Variants in MALRD1 observed in about 807,000 individuals in gnomAD.
The protein encoded by MALRD1 is MAM and LDL receptor class A domain containing 1.
MALRD1 carries 247 observed loss-of-function variants against 242.1 expected under a neutral mutation model. The observed-to-expected ratio is 1.02, with a 90% CI of 0.92 to 1.13. The LOEUF (loss-of-function observed/expected upper bound fraction) is 1.13. MALRD1 is among the 50% of genes most tolerant of loss of function. The pLI is 0.00. For missense variants in MALRD1, 2,989 were observed against 2,533.1 expected (o/e 1.18, Z -3.86); for synonymous variants, 995 against 866.6 (o/e 1.15, Z -2.60).
intron 28 of MALRD1, among the ~76,000 whole-genome samples, chr10:19,440,431 G>A (rs889434948): frequency 6.6e-6 from 1 of 151,796 alleles, no homozygotes; most frequent in Non-Finnish European, 1.5e-5. Flanking sequence ...TGTCATGTTG[G>A]TGTGCTGCAC....
At chr10:19,732,415 A>G (rs1835334562) in intron 39 of MALRD1, among the ~76,000 whole-genome samples, 1 of 152,108 alleles carries the variant, frequency 6.6e-6, no homozygotes, top group African/African-American at 2.4e-5. Context: ...GGCGCCTGCC[A>G]CCATGCCCAG....
chr10:19,208,664 C>T (rs191234975), intron 17 of MALRD1, among the ~76,000 whole-genome samples: 12 of 152,268 alleles, frequency 7.9e-5, no homozygotes, highest in Admixed American at 5.9e-4. Flanking sequence ...CACCCTATAT[C>T]TAATAAGCTA....
chr10:19,643,938 C>T (rs892663039), intron 36 of MALRD1, among the ~76,000 whole-genome samples: 2 of 152,168 alleles, frequency 1.3e-5, no homozygotes, highest in African/African-American at 4.8e-5. Flanking sequence ...CAGCTCCCTT[C>T]CTTCTGCACC....
In MALRD1 at chr10:19,645,740, A is replaced by AG. The variant is rs570687759; in HGVS notation, c.6137+29823dup. On this transcript the variant is annotated intron_variant, in intron 36 of 39. Coordinates refer to ENST00000454679, the MANE Select transcript of MALRD1 (RefSeq NM_001142308.3). ...CCAGGGACTGTTGTGGGGTGGGAGG[A>AG]GGGGGGAGGGATAGCATTTGGAGAT... Among the ~76,000 whole-genome samples, 344 of 149,964 alleles carry AG rather than the reference A, an allele frequency of 2.3e-3. 1 individual carries two copies. Among genetic ancestry groups the AG allele is most frequent in the African/African-American group, 7.5e-3 (308 of 41,024 alleles).
intron 35 of MALRD1, among the ~76,000 whole-genome samples, chr10:19,611,648 T>C (rs541186062): frequency 3.3e-5 from 5 of 152,132 alleles, no homozygotes; most frequent in African/African-American, 1.2e-4. Context: ...GGGAATTATA[T>C]CTACTTATCT....
At chr10:19,645,402 C>T (rs956298530) in intron 36 of MALRD1, among the ~76,000 whole-genome samples, 4 of 152,206 alleles carry the variant, frequency 2.6e-5, no homozygotes, top group African/African-American at 7.2e-5. Context: ...GATTATAAAT[C>T]ATGCTGCTAT....
chr10:19,361,714 C>T (rs1241949835), intron 26 of MALRD1, among the ~76,000 whole-genome samples: 1 of 152,042 alleles, frequency 6.6e-6, no homozygotes, highest in Non-Finnish European at 1.5e-5. Context: ...GGAGCCATTT[C>T]TGGAAGACCT....
Position 19,209,288 on chromosome 10 carries a change from T to A in MALRD1, c.2599T>A (p.Phe867Ile). 1.3e-6 allele frequency: 2 copies of A among 1,541,608 alleles called. No homozygotes were observed. The highest frequency in any genetic ancestry group is 2.4e-5 in the South Asian group (2 of 82,350). Residue 867 changes from phenylalanine to isoleucine, a missense_variant, in exon 18 of 40, where the codon TTT becomes ATT. By Grantham distance (21) the Phe-to-Ile change is conservative. Transcript: ENST00000454679. The stretch of plus-strand genomic sequence containing the variant: ...TTCAGCACCTGAGCTGCAGTGTAAC[T>A]TTGAAACTGGAATCTGTAACTGGGA... ...VNCAPELQCNFETGICNWEQD... is the reference protein window; with the variant it reads ...VNCAPELQCNIETGICNWEQD...
At chr10:19,500,257 C>G (rs1346886542) in intron 31 of MALRD1, among the ~76,000 whole-genome samples, 2 of 152,126 alleles carry the variant, frequency 1.3e-5, no homozygotes, top group Non-Finnish European at 2.9e-5. Context: ...TTGTAGCTCC[C>G]TTTCACAAGC....
At chr10:19,701,862 C>T (rs1833647735) in intron 38 of MALRD1, among the ~76,000 whole-genome samples, 1 of 150,734 alleles carries the variant, frequency 6.6e-6, no homozygotes, top group African/African-American at 2.4e-5. Flanking sequence ...TCTCTCTCTT[C>T]TTCCTTTCTC....
intron 19 of MALRD1, among the ~76,000 whole-genome samples, chr10:19,276,769 G>A (rs915500974): frequency 1.3e-5 from 2 of 152,002 alleles, no homozygotes; most frequent in East Asian, 1.9e-4. Context: ...TGAGTTAGAC[G>A]TGAGTATATC....
At chr10:19,495,538 G>A (rs1837675453) in intron 30 of MALRD1, among the ~76,000 whole-genome samples, 1 of 151,136 alleles carries the variant, frequency 6.6e-6, no homozygotes, top group Admixed American at 6.6e-5. Flanking sequence ...ATCCTTTTCA[G>A]ACAAGCAAAT....
chr10:19,108,915 A>G (rs1372060761), intron 5 of MALRD1, among the ~76,000 whole-genome samples: 1 of 152,082 alleles, frequency 6.6e-6, no homozygotes, highest in Non-Finnish European at 1.5e-5. Flanking sequence ...CTATGTTGAT[A>G]TCTGTGCAAC....
chr10:19,595,079 A>T, intron 33 of MALRD1, 115 bp from the exon 34 acceptor site: 1 of 1,042,856 alleles, frequency 9.6e-7, no homozygotes, highest in Non-Finnish European at 1.4e-6. Flanking sequence ...AAATTAATTT[A>T]CTTCAATTAA....
In MALRD1 at chr10:19,562,334, TAGATAGATAGTTAGA is replaced by T. The variant is rs879379215; in HGVS notation, c.5479-5167_5479-5153del. On this transcript the variant is annotated intron_variant, in intron 32 of 39. Transcript: ENST00000454679. Reference sequence around the variant, plus strand: ...ATAGATAGATAGATAGATAGATAGATAGATAGATAGTTAGATAGATAGATATCTAGATAGATAGAG... The same window carrying T: ...ATAGATAGATAGATAGATAGATAGATTAGATAGATATCTAGATAGATAGAG... 4.7e-3 allele frequency among the ~76,000 whole-genome samples: 691 copies of T among 145,874 alleles called. 2 individuals are homozygous for T. The highest frequency in any genetic ancestry group is 8.0e-3 in the Non-Finnish European group (543 of 67,786).
chr10:19,195,108 C>T (rs1836179039), intron 14 of MALRD1, among the ~76,000 whole-genome samples: 1 of 152,140 alleles, frequency 6.6e-6, no homozygotes. Flanking sequence ...TGCCTGTTAG[C>T]CAACTTGATT....
intron 30 of MALRD1, among the ~76,000 whole-genome samples, chr10:19,495,091 C>T (rs1387519872): frequency 2.0e-5 from 3 of 152,002 alleles, no homozygotes; most frequent in Non-Finnish European, 2.9e-5. Flanking sequence ...ATTCTCCCGC[C>T]TCAGCCTCAT....
chr10:19,327,249 C>T (rs1163055053), intron 22 of MALRD1, among the ~76,000 whole-genome samples: 1 of 152,002 alleles, frequency 6.6e-6, no homozygotes. Flanking sequence ...ATATATAAAA[C>T]AGCAATTGTT....
At chr10:19,356,163 T>C (rs1331682588) in intron 26 of MALRD1, among the ~76,000 whole-genome samples, 4 of 151,904 alleles carry the variant, frequency 2.6e-5, no homozygotes, top group African/African-American at 9.7e-5. Context: ...GATATATTTA[T>C]GTCTATATGT....
Sources: gnomAD v4.1 joint callset for allele counts (sites outside exome capture counted in the v4.1 genomes callset) on GRCh38, gnomAD v4.1.1 for gene constraint, MANE v1.5 for transcripts, NCBI Gene and HGNC (gene_info 2026-07-23, HGNC 2026-07-21) for gene names.